The following LUZP2 variants were observed in gnomAD, a reference collection of about 807,000 sequenced individuals.
LUZP2 encodes leucine zipper protein 2.
A neutral mutation model predicts 51.6 loss-of-function variants in LUZP2; 52 were observed. The observed-to-expected ratio is 1.01, with a 90% CI of 0.81 to 1.27. LUZP2 has a LOEUF of 1.27. LUZP2 is among the 50% of genes most tolerant of loss of function. LUZP2 has a pLI of 0.00. For missense variants in LUZP2, 436 were observed against 395.4 expected, an observed-to-expected ratio of 1.10 and a Z score of -0.87; for synonymous variants, 154 against 137.3, an observed-to-expected ratio of 1.12 and a Z score of -0.85.
intron 7 of LUZP2, among the ~76,000 whole-genome samples, chr11:24,926,163 G>T (rs1438817818): frequency 6.6e-6 from 1 of 150,472 alleles, no homozygotes; most frequent in Non-Finnish European, 1.5e-5. Flanking sequence ...AAATCAATAA[G>T]TGCATAAAGG....
intron 5 of LUZP2, among the ~76,000 whole-genome samples, chr11:24,810,084 A>G (rs1390346507): frequency 6.6e-6 from 1 of 152,134 alleles, no homozygotes; most frequent in Non-Finnish European, 1.5e-5. Context: ...TGTTCCAGGT[A>G]GTTAACAGCC....
At chr11:24,906,580 T>G (rs957098650) in intron 6 of LUZP2, among the ~76,000 whole-genome samples, 2 of 152,158 alleles carry the variant, frequency 1.3e-5, no homozygotes, top group Non-Finnish European at 2.9e-5. Flanking sequence ...AAATAATCAT[T>G]TTTCTATATT....
In LUZP2 at chr11:24,984,038, A is replaced by G. The variant is rs1856117987; in HGVS notation, c.765+745A>G. Among the ~76,000 whole-genome samples the G allele has an allele frequency of 2.0e-5, 3 of 151,704 alleles. No individual in the cohort carries two copies. In the Admixed American group the frequency reaches 2.0e-4, roughly 10 times the overall value. On this transcript the variant is annotated intron_variant, in intron 9 of 11. Coordinates refer to ENST00000336930, the MANE Select transcript of LUZP2 (RefSeq NM_001009909.4). ...CCTACATACATTGAAATAAATCCTG[A>G]GAGCCAGAAATAATCTTTGGGGGAG...
At chr11:24,602,208 GTATATATGTATATATGTACA>G (rs200198821) in intron 1 of LUZP2, among the ~76,000 whole-genome samples, 2,730 of 55,920 alleles carry the variant, frequency 0.049, 133 homozygotes, top group East Asian at 0.19. Context: ...ACATATATGT[GTATATATGTATATATGTACA>G]TATATGTGTA....
chr11:24,637,486 C>T (rs1855144539), intron 1 of LUZP2, among the ~76,000 whole-genome samples: 2 of 151,776 alleles, frequency 1.3e-5, no homozygotes, highest in South Asian at 4.1e-4. Flanking sequence ...GATCTGACTG[C>T]CTGTGGGGTC....
At chr11:24,596,790 T>C (rs1379056567) in intron 1 of LUZP2, among the ~76,000 whole-genome samples, 4 of 152,020 alleles carry the variant, frequency 2.6e-5, no homozygotes, top group Admixed American at 6.6e-5. Flanking sequence ...CTCCGAGGAG[T>C]GGAATGTAGG....
chr11:24,880,159 G>A (rs1852414476), intron 5 of LUZP2, among the ~76,000 whole-genome samples: 1 of 152,170 alleles, frequency 6.6e-6, no homozygotes, highest in Non-Finnish European at 1.5e-5. Flanking sequence ...TTCCCCTCTG[G>A]CTAGGACTGG....
intron 5 of LUZP2, among the ~76,000 whole-genome samples, chr11:24,896,544 C>A (rs1853062849): frequency 6.6e-6 from 1 of 152,188 alleles, no homozygotes; most frequent in African/African-American, 2.4e-5. Flanking sequence ...GGGCTCAGGA[C>A]CTGCAGCCTC....
chr11:24,566,542 G>A (rs903278092), intron 1 of LUZP2, among the ~76,000 whole-genome samples: 13 of 144,278 alleles, frequency 9.0e-5, no homozygotes, highest in Non-Finnish European at 1.8e-4. Flanking sequence ...ATACACATAT[G>A]TATATATATA....
chr11:25,060,704 A>C (rs908088367), intron 10 of LUZP2, among the ~76,000 whole-genome samples: 10 of 152,286 alleles, frequency 6.6e-5, no homozygotes, highest in Non-Finnish European at 1.2e-4. Flanking sequence ...TAAGTTTTCA[A>C]CAGTATAAAT....
At chr11:24,742,472 A>C (rs1389797788) in intron 4 of LUZP2, among the ~76,000 whole-genome samples, 1 of 151,834 alleles carries the variant, frequency 6.6e-6, no homozygotes, top group Non-Finnish European at 1.5e-5. Flanking sequence ...GCATTTTTTC[A>C]TATGTTTATT....
At chr11:24,546,829 A>C (rs966881466) in intron 1 of LUZP2, among the ~76,000 whole-genome samples, 1 of 152,072 alleles carries the variant, frequency 6.6e-6, no homozygotes, top group Non-Finnish European at 1.5e-5. Flanking sequence ...ATTTTTTAAA[A>C]TAGTTTCAGT....
At chr11:24,796,356 T>C (rs2134105782) in intron 5 of LUZP2, among the ~76,000 whole-genome samples, 1 of 152,260 alleles carries the variant, frequency 6.6e-6, no homozygotes, top group South Asian at 2.1e-4. Flanking sequence ...TATAGTGTGT[T>C]CTTGGTTTTG....
intron 5 of LUZP2, among the ~76,000 whole-genome samples, chr11:24,831,745 C>G (rs142083534): frequency 6.6e-6 from 1 of 152,194 alleles, no homozygotes; most frequent in African/African-American, 2.4e-5. Flanking sequence ...GCAAAGCACA[C>G]CAGCAGTAGT....
chr11:24,803,929 CT>C (rs1849772309), intron 5 of LUZP2, among the ~76,000 whole-genome samples: 1 of 143,346 alleles, frequency 7.0e-6, no homozygotes, highest in Non-Finnish European at 1.5e-5. Context: ...ATTGATCAAA[CT>C]GGAAACATAG....
chr11:25,008,467 C>A (rs1856895736), intron 9 of LUZP2, among the ~76,000 whole-genome samples: 1 of 152,180 alleles, frequency 6.6e-6, no homozygotes, highest in African/African-American at 2.4e-5. Flanking sequence ...TGTTTGTTCC[C>A]ATCACCTGCA....
At chr11:25,041,170 A>C (rs12271132) in intron 9 of LUZP2, among the ~76,000 whole-genome samples, 11,805 of 152,160 alleles carry the variant, frequency 0.078, 1,478 homozygotes, top group African/African-American at 0.26. Flanking sequence ...ATATTTTCCA[A>C]GACCTTGACT....
intron 9 of LUZP2, among the ~76,000 whole-genome samples, chr11:25,035,282 A>G (rs1317294414): frequency 2.0e-5 from 3 of 152,090 alleles, no homozygotes; most frequent in African/African-American, 7.2e-5. Context: ...TTTACTTAGA[A>G]AATCATAAAA....
intron 7 of LUZP2, among the ~76,000 whole-genome samples, chr11:24,916,210 C>T (rs1441844291): frequency 6.6e-6 from 1 of 152,002 alleles, no homozygotes; most frequent in Non-Finnish European, 1.5e-5. Flanking sequence ...GAGGTGAGGC[C>T]TAACTGACTG....
Sources: gnomAD v4.1 joint callset for allele counts (sites outside exome capture counted in the v4.1 genomes callset) on GRCh38, gnomAD v4.1.1 for gene constraint, MANE v1.5 for transcripts, NCBI Gene and HGNC (gene_info 2026-07-23, HGNC 2026-07-21) for gene names.